The following DAOA variants were observed in gnomAD, a reference collection of about 807,000 sequenced individuals.
The protein encoded by DAOA is D-amino acid oxidase regulator.
DAOA carries 15 observed loss-of-function variants against 16.4 expected under a neutral mutation model. The ratio of observed to expected loss-of-function variants is 0.91; its 90% confidence interval spans 0.61 to 1.41. The LOEUF (loss-of-function observed/expected upper bound fraction) is 1.41. Among genes scored for constraint, DAOA ranks in the 40% most tolerant of loss-of-function variants. DAOA has a pLI of 0.00. For missense variants in DAOA, 230 were observed against 176.8 expected, an observed-to-expected ratio of 1.30 and a Z score of -1.71; for synonymous variants, 75 against 59.1, an observed-to-expected ratio of 1.27 and a Z score of -1.23.
intron 2 of DAOA, among the ~76,000 whole-genome samples, chr13:105,466,656 C>G (rs377037013): frequency 6.6e-6 from 1 of 152,174 alleles, no homozygotes; most frequent in South Asian, 2.1e-4. Flanking sequence ...CCCCCTCACT[C>G]CATCTGCCTG....
rs768538155 is a variant in DAOA at position 105,467,150 on chromosome 13, CTCTTTA to C, written c.133+17_133+22del. ...CTCTCTAAACTCTATTGGTATGTTA[CTCTTTA>C]TCTTTATATGAATTTAAATTCTTCT... On this transcript the variant is annotated intron_variant, in intron 3 of 5. Transcript: ENST00000375936. 59 of 1,590,806 alleles carry C rather than the reference CTCTTTA, an allele frequency of 3.7e-5. 1 individual carries two copies. In the East Asian group the frequency reaches 1.2e-3, roughly 32 times the overall value.
At chr13:105,486,620 T>C (rs774053324) in intron 4 of DAOA, among the ~76,000 whole-genome samples, 4 of 81,758 alleles carry the variant, frequency 4.9e-5, no homozygotes, top group Admixed American at 3.7e-4. Context: ...TTTCTTTCTT[T>C]CTTTTTTTTT....
chr13:105,467,908 C>T (rs1876648019), intron 3 of DAOA, among the ~76,000 whole-genome samples: 2 of 152,114 alleles, frequency 1.3e-5, no homozygotes, highest in South Asian at 4.1e-4. Context: ...TTCATTATTT[C>T]ATAGTTCTCA....
chr13:105,469,793 A>G (rs1876797447), intron 3 of DAOA, among the ~76,000 whole-genome samples: 1 of 152,190 alleles, frequency 6.6e-6, no homozygotes, highest in Non-Finnish European at 1.5e-5. Context: ...TGGGGAACCA[A>G]CTGAAGGATA....
At position 105,490,343 on chromosome 13, in the gene DAOA, C is replaced by T. The variant is rs533123367; in HGVS notation, c.*111+151C>T. The T allele has an allele frequency of 2.6e-5, 6 of 233,372 alleles. No individual in the cohort carries two copies. The South Asian group carries it at 7.9e-4, about 31-fold the overall frequency. 14.5% of individuals were successfully genotyped at this position (233,372 alleles called of 1,614,324 possible). A position where few individuals can be genotyped will look rare whatever the true frequency, so the allele number is the denominator to read the frequency against. The stretch of plus-strand genomic sequence containing the variant: ...CTCCTCTTGTTTGGTAATATTTCAT[C>T]ACTAAATTATTATTGAAAGTTACAC... On this transcript the variant is annotated intron_variant, in intron 5 of 5. Transcript: ENST00000375936.
At chr13:105,487,326 T>G (rs1878190581) in intron 4 of DAOA, among the ~76,000 whole-genome samples, 1 of 152,132 alleles carries the variant, frequency 6.6e-6, no homozygotes, top group South Asian at 2.1e-4. Context: ...ATGTTCTTTT[T>G]TAAAAAAGTG....
intron 4 of DAOA, among the ~76,000 whole-genome samples, chr13:105,479,885 G>A (rs1877588175): frequency 6.6e-6 from 1 of 152,148 alleles, no homozygotes; most frequent in Non-Finnish European, 1.5e-5. Context: ...ACAAATCAGA[G>A]TCTCTGCCAT....
chr13:105,467,268 C>A (rs1876590850), intron 3 of DAOA, 127 bp downstream of exon 3: 2 of 1,076,804 alleles, frequency 1.9e-6, no homozygotes, highest in Non-Finnish European at 2.5e-6. Context: ...TTGTAAGATA[C>A]AGGAAGAAAA....
At chr13:105,490,559 T>A (rs1878445640) in intron 5 of DAOA, 1 of 152,200 alleles carries the variant, frequency 6.6e-6, no homozygotes, top group African/African-American at 2.4e-5. Context: ...ACATGTAACA[T>A]TACATTTTCA....
chr13:105,473,951 G>A (rs762684424), intron 4 of DAOA, among the ~76,000 whole-genome samples: 9 of 152,034 alleles, frequency 5.9e-5, no homozygotes, highest in Non-Finnish European at 1.3e-4. Context: ...CAAGGAATTA[G>A]GCAAGAACAT....
intron 4 of DAOA, among the ~76,000 whole-genome samples, chr13:105,480,813 T>A (rs1468395393): frequency 6.6e-6 from 1 of 152,140 alleles, no homozygotes; most frequent in Admixed American, 6.6e-5. Context: ...GTTCCAGCCC[T>A]AAGAAGGAGA....
chr13:105,466,310 GC>G lies in DAOA; in HGVS notation c.23del (p.Ala8ValfsTer19). MLEKLMG[A>X]DSLQLFRSRY... ...CAAAATGCTGGAAAAGCTGATGGGT[GC>G]TGATTCTCTCCAGCTTTTCAGGTAG... On this transcript the variant is annotated frameshift_variant, in exon 2 of 6. Coordinates refer to ENST00000375936, the MANE Select transcript of DAOA (RefSeq NM_172370.5). LOFTEE classifies it high-confidence loss of function. The G allele has an allele frequency of 6.2e-7, 1 of 1,614,074 alleles. No individual in the cohort carries two copies. The highest frequency in any genetic ancestry group is 2.2e-5 in the East Asian group (1 of 44,880).
chr13:105,471,732 G>A (rs1464870434), intron 3 of DAOA, among the ~76,000 whole-genome samples: 1 of 146,096 alleles, frequency 6.8e-6, no homozygotes, highest in Non-Finnish European at 1.5e-5. Flanking sequence ...GATTCACAGA[G>A]CAATAATCCT....
chr13:105,480,501 T>C (rs1877642945), intron 4 of DAOA, among the ~76,000 whole-genome samples: 1 of 149,696 alleles, frequency 6.7e-6, no homozygotes, highest in Admixed American at 6.8e-5. Context: ...AATAGATACA[T>C]AGATGGATGG....
intron 4 of DAOA, among the ~76,000 whole-genome samples, chr13:105,484,542 A>G (rs1877978252): frequency 6.6e-6 from 1 of 152,134 alleles, no homozygotes; most frequent in African/African-American, 2.4e-5. Context: ...AAATTTTGTC[A>G]GATTTATCTG....
At chr13:105,485,669 A>G (rs1380216695) in intron 4 of DAOA, among the ~76,000 whole-genome samples, 2 of 152,174 alleles carry the variant, frequency 1.3e-5, no homozygotes, top group African/African-American at 2.4e-5. Flanking sequence ...GAGTGGCTCT[A>G]TTCCATTATG....
At chr13:105,489,700 A>G (rs1478402494) in intron 4 of DAOA, 4 of 1,102,218 alleles carry the variant, frequency 3.6e-6, no homozygotes, top group Non-Finnish European at 5.1e-6. Context: ...CCAAATATGT[A>G]GTTGTGGCAG....
chr13:105,468,242 C>T (rs1258755153), intron 3 of DAOA, among the ~76,000 whole-genome samples: 2 of 152,198 alleles, frequency 1.3e-5, no homozygotes, highest in African/African-American at 4.8e-5. Flanking sequence ...TCTATGAAGT[C>T]CCTTTGTTAC....
intron 4 of DAOA, among the ~76,000 whole-genome samples, chr13:105,473,798 G>T: frequency 6.6e-6 from 1 of 152,034 alleles, no homozygotes; most frequent in Non-Finnish European, 1.5e-5. Flanking sequence ...TCTATAAGAG[G>T]TTATTTCTAC....
Sources: allele counts gnomAD v4.1 joint callset (sites outside exome capture counted in the v4.1 genomes callset), GRCh38; gene constraint gnomAD v4.1.1; transcripts MANE v1.5; gene names NCBI Gene and HGNC (gene_info 2026-07-23, HGNC 2026-07-21).